Variants in MS4A13 observed in about 807,000 individuals in gnomAD.
MS4A13 encodes membrane spanning 4-domains A13, also known as membrane-spanning 4-domains subfamily A member 13.
A neutral mutation model predicts 18.4 loss-of-function variants in MS4A13; 21 were observed. The observed-to-expected ratio is 1.14, with a 90% CI of 0.81 to 1.64. The LOEUF is 1.64. MS4A13 is among the 40% of genes most tolerant of loss of function. MS4A13 has a pLI of 0.00. For missense variants in MS4A13, 173 were observed against 176.8 expected, an observed-to-expected ratio of 0.98 and a Z score of 0.12; for synonymous variants, 62 against 57.2, an observed-to-expected ratio of 1.08 and a Z score of -0.38.
At chr11:60,539,215 A>G (rs1336682385) in intron 6 of MS4A13, among the ~76,000 whole-genome samples, 1 of 151,920 alleles carries the variant, frequency 6.6e-6, no homozygotes, top group Non-Finnish European at 1.5e-5. Flanking sequence ...AAAATTTAGT[A>G]AAGTAAATAT....
chr11:60,532,498 C>T (rs991805516), intron 6 of MS4A13, among the ~76,000 whole-genome samples: 6 of 152,244 alleles, frequency 3.9e-5, no homozygotes, highest in African/African-American at 1.2e-4. Context: ...AGACTATATC[C>T]CACACCTGGC....
intron 5 of MS4A13, among the ~76,000 whole-genome samples, 167 bp from the exon 6 acceptor site, chr11:60,529,198 G>A (rs571478880): frequency 2.7e-5 from 4 of 150,070 alleles, no homozygotes; most frequent in South Asian, 4.3e-4. Flanking sequence ...GGGCAAAGGA[G>A]TAGAAATGTC....
At chr11:60,539,540 GA>G (rs2086839535) in intron 6 of MS4A13, among the ~76,000 whole-genome samples, 1 of 151,684 alleles carries the variant, frequency 6.6e-6, no homozygotes, top group Non-Finnish European at 1.5e-5. Context: ...GGGAGTACCA[GA>G]AAAAAAATTA....
chr11:60,538,863 T>G (rs2086833708), intron 6 of MS4A13, among the ~76,000 whole-genome samples: 1 of 131,938 alleles, frequency 7.6e-6, no homozygotes, highest in South Asian at 2.8e-4. Flanking sequence ...TGAATCATGA[T>G]AAGGGTTGAA....
At chr11:60,538,192 CGA>C (rs2086824998) in intron 6 of MS4A13, among the ~76,000 whole-genome samples, 1 of 109,088 alleles carries the variant, frequency 9.2e-6, no homozygotes. Flanking sequence ...AAAAAAAAAA[CGA>C]AAAAAAAAAA....
chr11:60,538,876 C>T (rs1430961528), intron 6 of MS4A13, among the ~76,000 whole-genome samples: 1 of 131,314 alleles, frequency 7.6e-6, no homozygotes, highest in Admixed American at 8.2e-5. Context: ...GGGTTGAATG[C>T]ATCTCCATTG....
chr11:60,522,655 T>C (rs1321820779), intron 3 of MS4A13, among the ~76,000 whole-genome samples: 1 of 152,004 alleles, frequency 6.6e-6, no homozygotes, highest in Non-Finnish European at 1.5e-5. Context: ...CTTGAAAAAA[T>C]AGGAGAAAAA....
chr11:60,542,579 C>A lies in MS4A13; in HGVS notation c.*4C>A, dbSNP rs751102710. On this transcript the variant is annotated 3_prime_UTR_variant, in exon 7 of 7. Coordinates refer to ENST00000378186, the MANE Select transcript of MS4A13 (RefSeq NM_001012417.3). ...GGAAGCTGAGAGCACTCCTTAAAAA[C>A]CCTAGAAATATGAGAATTTTGCTGT... is the stretch of plus-strand genomic sequence containing the variant. 1 of 1,600,510 alleles carries A rather than the reference C, an allele frequency of 6.2e-7. No individual in the cohort carries two copies. Among genetic ancestry groups the A allele is most frequent in the South Asian group, 1.1e-5 (1 of 89,100 alleles).
chr11:60,541,205 T>C (rs2086855315), intron 6 of MS4A13, among the ~76,000 whole-genome samples: 2 of 152,196 alleles, frequency 1.3e-5, no homozygotes, highest in Admixed American at 1.3e-4. Flanking sequence ...TTTTAAAACC[T>C]TTTGGGCATT....
rs2135244165 is a variant in MS4A13 at position 60,516,089 on chromosome 11, G to C, written c.-13+5G>C. 1 of 152,242 alleles carries C rather than the reference G, an allele frequency of 6.6e-6. No homozygotes were observed. Among genetic ancestry groups the C allele is most frequent in the Non-Finnish European group, 1.5e-5 (1 of 68,002 alleles). 9.4% of individuals were successfully genotyped at this position (152,242 alleles called of 1,614,324 possible). On this transcript the variant is annotated splice_donor_5th_base_variant and intron_variant, in intron 2 of 6. Coordinates refer to ENST00000378186, the MANE Select transcript of MS4A13 (RefSeq NM_001012417.3). ...GCAGATTCTCTCGTTTTAGGGGTAA[G>C]ATTTCACTTTGACTAACTAAATTTA...
At chr11:60,523,534 T>C (rs992621807) in intron 3 of MS4A13, among the ~76,000 whole-genome samples, 2 of 152,220 alleles carry the variant, frequency 1.3e-5, no homozygotes, top group African/African-American at 4.8e-5. Flanking sequence ...ATAAGTAGTG[T>C]CATCATCTCA....
At chr11:60,532,414 C>T (rs991296691) in intron 6 of MS4A13, among the ~76,000 whole-genome samples, 10 of 152,272 alleles carry the variant, frequency 6.6e-5, no homozygotes, top group Non-Finnish European at 1.0e-4. Context: ...GGGTGACGGA[C>T]GCACCTGGAA....
intron 6 of MS4A13, 98 bp from the exon 7 acceptor site, chr11:60,542,421 A>G (rs2086867747): frequency 1.5e-6 from 1 of 681,382 alleles, no homozygotes; most frequent in South Asian, 2.5e-5. Flanking sequence ...CTCTATAAAT[A>G]TCAGTATTAC....
At chr11:60,532,632 C>A (rs1267725404) in intron 6 of MS4A13, among the ~76,000 whole-genome samples, 2 of 151,906 alleles carry the variant, frequency 1.3e-5, no homozygotes, top group Non-Finnish European at 2.9e-5. Context: ...CTTAGGTAAA[C>A]AAAGCAGCCT....
chr11:60,518,264 G>A (rs2086651118), intron 3 of MS4A13, 52 bp downstream of exon 3: 1 of 1,444,522 alleles, frequency 6.9e-7, no homozygotes, highest in Admixed American at 2.0e-5. Flanking sequence ...TAATATTCAT[G>A]CCAATAGTAG....
Position 60,525,345 on chromosome 11 carries a change from G to T in MS4A13, c.306+19G>T. 1.3e-6 allele frequency: 2 copies of T among 1,508,558 alleles called. No individual in the cohort carries two copies. Among genetic ancestry groups the T allele is most frequent in the East Asian group, 2.4e-5 (1 of 42,280 alleles). 93.4% of individuals were successfully genotyped at this position (1,508,558 alleles called of 1,614,324 possible). A position where few individuals can be genotyped will look rare whatever the true frequency, so the allele number is the denominator to read the frequency against. Reference sequence around the variant, plus strand: ...ACAAGCAGTAAGTGACCAATTCTATGGGAACATATTAATTTTAAAATTATT... The same window carrying T: ...ACAAGCAGTAAGTGACCAATTCTATTGGAACATATTAATTTTAAAATTATT... On this transcript the variant is annotated intron_variant, in intron 5 of 6. Coordinates refer to ENST00000378186, the MANE Select transcript of MS4A13 (RefSeq NM_001012417.3).
intron 5 of MS4A13, among the ~76,000 whole-genome samples, chr11:60,527,697 A>G (rs148467621): frequency 6.8e-4 from 103 of 152,096 alleles, no homozygotes; most frequent in African/African-American, 2.4e-3. Context: ...TTAGCTGGGC[A>G]TGGCGGTGGG....
In MS4A13 at chr11:60,539,701, C is replaced by CAAA. The variant is rs144595294; in HGVS notation, c.403-2811_403-2809dup. On this transcript the variant is annotated intron_variant, in intron 6 of 6. Coordinates refer to ENST00000378186, the MANE Select transcript of MS4A13 (RefSeq NM_001012417.3). Reference sequence around the variant, plus strand: ...ATAAAAAAGAAAATCTTGAAAGCAGCAAAAAAAAATAAAAACAAGACTCTT... The same window carrying CAAA: ...ATAAAAAAGAAAATCTTGAAAGCAGCAAAAAAAAAAAATAAAAACAAGACTCTT... Among the ~76,000 whole-genome samples, 30 of 149,758 alleles carry CAAA rather than the reference C, an allele frequency of 2.0e-4. No homozygotes were observed. In the East Asian group the frequency reaches 2.1e-3, roughly 11 times the overall value.
chr11:60,542,254 GAA>G, intron 6 of MS4A13, among the ~76,000 whole-genome samples: 1 of 111,850 alleles, frequency 8.9e-6, no homozygotes, highest in African/African-American at 4.5e-5. Context: ...AAGAAAAAGA[GAA>G]AGAAAGAAAG....
Sources: gnomAD v4.1 joint callset for allele counts (sites outside exome capture counted in the v4.1 genomes callset) on GRCh38, gnomAD v4.1.1 for gene constraint, MANE v1.5 for transcripts, NCBI Gene and HGNC (gene_info 2026-07-23, HGNC 2026-07-21) for gene names.